RPRD1B: variants seen among roughly 807,000 people sequenced by gnomAD.
RPRD1B encodes the protein regulation of nuclear pre-mRNA domain-containing protein 1B.
A neutral mutation model predicts 41.5 loss-of-function variants in RPRD1B; 11 were observed. The observed-to-expected ratio is 0.27, with a 90% CI of 0.17 to 0.44. The LOEUF (loss-of-function observed/expected upper bound fraction) is 0.44, where lower values mean the gene tolerates loss of function less well. Among genes scored for constraint, RPRD1B ranks in the 20% least tolerant of loss-of-function variants. The probability of loss-of-function intolerance (pLI) is 1.00; values close to 1 mark genes in which losing one functional copy is unlikely to be tolerated. For missense variants in RPRD1B, 248 were observed against 389.9 expected, an observed-to-expected ratio of 0.64 and a Z score of 3.06; for synonymous variants, 158 against 155.6, an observed-to-expected ratio of 1.02 and a Z score of -0.12.
At chr20:38,043,236 G>A (rs765598392) in intron 2 of RPRD1B, among the ~76,000 whole-genome samples, 3 of 152,206 alleles carry the variant, frequency 2.0e-5, no homozygotes, top group Non-Finnish European at 2.9e-5. Flanking sequence ...GTAATCATGC[G>A]AAGCGGGAGC....
intron 5 of RPRD1B, among the ~76,000 whole-genome samples, chr20:38,062,081 G>A (rs1018374304): frequency 3.9e-5 from 6 of 152,182 alleles, no homozygotes; most frequent in Non-Finnish European, 7.3e-5. Context: ...AGGTTGGAGC[G>A]ATGTGCTTTG....
intron 3 of RPRD1B, among the ~76,000 whole-genome samples, chr20:38,057,164 C>T (rs948468420): frequency 6.6e-6 from 1 of 151,990 alleles, no homozygotes; most frequent in African/African-American, 2.4e-5. Context: ...GAAAGCATAA[C>T]GTATCTCATT....
At chr20:38,071,223 A>T (rs929595510) in intron 6 of RPRD1B, among the ~76,000 whole-genome samples, 1 of 152,270 alleles carries the variant, frequency 6.6e-6, no homozygotes, top group African/African-American at 2.4e-5. Flanking sequence ...AAATTCATAT[A>T]ACGTAAATTA....
chr20:38,082,041 T>G (rs1387006151), intron 6 of RPRD1B, among the ~76,000 whole-genome samples: 1 of 152,218 alleles, frequency 6.6e-6, no homozygotes, highest in Non-Finnish European at 1.5e-5. Context: ...CTGCCAGGTT[T>G]TGGTATCAGA....
Position 38,033,849 on chromosome 20 carries a change from C to A in RPRD1B, c.-99C>A, listed in dbSNP as rs920688297. Reference sequence around the variant, plus strand: ...GGCAGTCTGTCAGTCGGTAAAAAGTCCCGCAGCCTGTCAGGTGAGGCCCCG... The same window carrying A: ...GGCAGTCTGTCAGTCGGTAAAAAGTACCGCAGCCTGTCAGGTGAGGCCCCG... On this transcript the variant is annotated 5_prime_UTR_variant, in exon 1 of 7. Transcript: ENST00000373433. 5.7e-5 allele frequency: 72 copies of A among 1,256,030 alleles called. No individual in the cohort carries two copies. The African/African-American group carries it at 1.0e-3, about 18-fold the overall frequency. 77.8% of individuals were successfully genotyped at this position (1,256,030 alleles called of 1,614,324 possible). A position where few individuals can be genotyped will look rare whatever the true frequency, so the allele number is the denominator to read the frequency against.
At chr20:38,061,180 A>G (rs2074293416) in intron 5 of RPRD1B, among the ~76,000 whole-genome samples, 1 of 152,242 alleles carries the variant, frequency 6.6e-6, no homozygotes, top group South Asian at 2.1e-4. Flanking sequence ...AAAGGTGTAC[A>G]ATTTAGTTGT....
intron 5 of RPRD1B, among the ~76,000 whole-genome samples, chr20:38,060,330 C>G (rs1032975510): frequency 3.3e-5 from 5 of 152,248 alleles, no homozygotes; most frequent in Non-Finnish European, 5.9e-5. Context: ...TTTTCCCACT[C>G]CAGTCCCTTG....
intron 1 of RPRD1B, among the ~76,000 whole-genome samples, chr20:38,038,329 C>T (rs1369571078): frequency 2.9e-5 from 4 of 140,074 alleles, no homozygotes; most frequent in Admixed American, 7.2e-5. Context: ...TTTTTTGAGA[C>T]GGAGTCTCTT....
Position 38,080,946 on chromosome 20 carries a change from G to A in RPRD1B, c.832-8780G>A, listed in dbSNP as rs556664754. ...ATAGTATAGTTTGAAGTTGGGTAAT[G>A]TGATGCCCTGGGCTTTGTTCTTTTT... On this transcript the variant is annotated intron_variant, in intron 6 of 6. Coordinates refer to ENST00000373433, the MANE Select transcript of RPRD1B (RefSeq NM_021215.4). Among the ~76,000 whole-genome samples the A allele has an allele frequency of 8.5e-4, 130 of 152,344 alleles. 1 individual carries two copies. The highest frequency in any genetic ancestry group is 3.1e-3 in the African/African-American group (128 of 41,594).
chr20:38,034,117 C>T lies in RPRD1B; in HGVS notation c.151+19C>T, dbSNP rs1455299556. 3.7e-6 allele frequency: 6 copies of T among 1,606,814 alleles called. No homozygotes were observed. The highest frequency in any genetic ancestry group is 5.1e-6 in the Non-Finnish European group (6 of 1,176,000). On this transcript the variant is annotated intron_variant, in intron 1 of 6. Coordinates refer to ENST00000373433, the MANE Select transcript of RPRD1B (RefSeq NM_021215.4). ...CGCAAAGGTAAACACCAAATCCCCA[C>T]CCCCTGGACGGTCCCCGGATTGTCC...
Position 38,091,777 on chromosome 20 carries a change from A to T in RPRD1B, c.*1902A>T. The T allele has an allele frequency of 1.0e-6, 1 of 985,866 alleles. No individual in the cohort carries two copies. The highest frequency in any genetic ancestry group is 1.2e-6 in the Non-Finnish European group (1 of 829,944). 61.1% of individuals were successfully genotyped at this position (985,866 alleles called of 1,614,324 possible). A position where few individuals can be genotyped will look rare whatever the true frequency, so the allele number is the denominator to read the frequency against. ...AGGATCGTAGATATTTGCTCTGATC[A>T]ACTAGATGAAAATATAGCAGAATGG... On this transcript the variant is annotated 3_prime_UTR_variant, in exon 7 of 7. Coordinates refer to ENST00000373433, the MANE Select transcript of RPRD1B (RefSeq NM_021215.4).
rs567546668 is a variant in RPRD1B at position 38,068,907 on chromosome 20, C to CT, written c.831+2657dup. ...TGGGGCAGTACATAAAGTTTACCCACTTTTTTAACATTCATTTTTGTAACA... is the reference window on the plus strand; with the variant it reads ...TGGGGCAGTACATAAAGTTTACCCACTTTTTTTAACATTCATTTTTGTAACA... On this transcript the variant is annotated intron_variant, in intron 6 of 6. Transcript: ENST00000373433. Among the ~76,000 whole-genome samples, 57 of 152,320 alleles carry CT rather than the reference C, an allele frequency of 3.7e-4. 1 individual carries two copies. In the South Asian group the frequency reaches 0.012, roughly 31 times the overall value.
At chr20:38,043,551 G>A (rs1316414142) in intron 2 of RPRD1B, among the ~76,000 whole-genome samples, 1 of 152,108 alleles carries the variant, frequency 6.6e-6, no homozygotes, top group Non-Finnish European at 1.5e-5. Context: ...AAAGGCCAAG[G>A]GAGGGGCGGG....
chr20:38,078,060 G>A (rs1310363275), intron 6 of RPRD1B, among the ~76,000 whole-genome samples: 1 of 151,774 alleles, frequency 6.6e-6, no homozygotes, highest in Non-Finnish European at 1.5e-5. Flanking sequence ...CCCAGCTACT[G>A]GGGAAGCTGA....
intron 3 of RPRD1B, among the ~76,000 whole-genome samples, chr20:38,050,567 TC>T (rs1190712210): frequency 1.3e-5 from 2 of 152,230 alleles, no homozygotes; most frequent in Non-Finnish European, 2.9e-5. Context: ...ATGTTGAATT[TC>T]AATTTAATGT....
rs781006274 is a variant in RPRD1B, at chr20:38,033,980, G to A, written c.33G>A (p.Lys11=). The change falls in exon 1 of 7, where the codon AAG becomes AAA. Residue 11 remains lysine (K), a synonymous_variant. Coordinates refer to ENST00000373433, the MANE Select transcript of RPRD1B (RefSeq NM_021215.4). MSSFSESALE[K]KLSELSNSQQ... ...CCTTCTCTGAGTCGGCGCTGGAGAA[G>A]AAGCTCTCGGAGCTGAGCAACTCTC... The A allele has an allele frequency of 2.5e-6, 4 of 1,613,432 alleles. No homozygotes were observed. The highest frequency in any genetic ancestry group is 2.7e-5 in the African/African-American group (2 of 74,906).
rs2074143753 is a variant in RPRD1B, at chr20:38,048,483, T to C, written c.415+2T>C. On this transcript the variant is annotated splice_donor_variant, in intron 3 of 6. Coordinates refer to ENST00000373433, the MANE Select transcript of RPRD1B (RefSeq NM_021215.4). LOFTEE classifies it high-confidence loss of function. ...ACTCCAAGAGCCCTCCCCCCAAAGG[T>C]AGAAACATCACCACATGTTTACAGC... The C allele has an allele frequency of 6.2e-7, 1 of 1,600,424 alleles. No individual in the cohort carries two copies. The highest frequency in any genetic ancestry group is 8.5e-7 in the Non-Finnish European group (1 of 1,170,050).
intron 6 of RPRD1B, among the ~76,000 whole-genome samples, chr20:38,075,892 T>G (rs1336454854): frequency 1.3e-5 from 2 of 152,234 alleles, no homozygotes; most frequent in African/African-American, 4.8e-5. Context: ...TTTTTCCTTA[T>G]TGAGGTCCTT....
intron 1 of RPRD1B, among the ~76,000 whole-genome samples, chr20:38,038,918 A>G (rs2122690031): frequency 6.6e-6 from 1 of 152,368 alleles, no homozygotes; most frequent in East Asian, 1.9e-4. Context: ...CAGGTGTGTT[A>G]AGGTTGATAA....
Sources: gnomAD v4.1 joint callset for allele counts (sites outside exome capture counted in the v4.1 genomes callset) on GRCh38, gnomAD v4.1.1 for gene constraint, MANE v1.5 for transcripts, NCBI Gene and HGNC (gene_info 2026-07-23, HGNC 2026-07-21) for gene names.